DMRT1: variants seen among roughly 807,000 people sequenced by gnomAD.
The protein encoded by DMRT1 is doublesex and mab-3 related transcription factor 1, also known as doublesex- and mab-3-related transcription factor 1.
Under a neutral mutation model 32.3 loss-of-function variants are expected in DMRT1, and 7 were observed. The observed-to-expected ratio is 0.22, with a 90% CI of 0.12 to 0.41. The LOEUF (loss-of-function observed/expected upper bound fraction) is 0.41, where lower values mean the gene tolerates loss of function less well. Ranked by LOEUF, DMRT1 falls within the 10% of genes least tolerant of loss-of-function variation. The pLI is 1.00. For synonymous variants in DMRT1, 278 were observed against 206.1 expected (o/e 1.35, Z -2.99); for missense variants, 625 against 500.5 (o/e 1.25, Z -2.37).
intron 2 of DMRT1, among the ~76,000 whole-genome samples, chr9:863,123 T>C (rs1472913709): frequency 8.6e-6 from 1 of 116,572 alleles, no homozygotes; most frequent in African/African-American, 3.4e-5. Flanking sequence ...GGGACCAGCC[T>C]GGGCAACAGC....
intron 2 of DMRT1, among the ~76,000 whole-genome samples, chr9:862,420 A>C (rs1815756860): frequency 6.9e-6 from 1 of 144,996 alleles, no homozygotes; most frequent in African/African-American, 2.5e-5. Flanking sequence ...AGAATCAGGC[A>C]GGGAGGCTGC....
chr9:911,790 C>G (rs1817999990), intron 3 of DMRT1, among the ~76,000 whole-genome samples: 1 of 152,140 alleles, frequency 6.6e-6, no homozygotes, highest in Non-Finnish European at 1.5e-5. Context: ...CCGCGCCCAT[C>G]CATGAATTGC....
rs1470429647 is a variant in DMRT1, at chr9:847,016, C to A, written c.411C>A (p.Ile137=). ...QEEELGISHP[I]PLPSAAELLV... is the part of the protein sequence containing the mutation. ...AGGAATTGGGTATCAGCCACCCCAT[C>A]CCACTGCCCAGTGCGGCCGAGCTGC... The change falls in exon 2 of 5, where the codon ATC becomes ATA. Residue 137 remains isoleucine (I), a synonymous_variant. Transcript: ENST00000382276. 7 of 1,614,060 alleles carry A rather than the reference C, an allele frequency of 4.3e-6. No individual in the cohort carries two copies. The highest frequency in any genetic ancestry group is 1.3e-5 in the African/African-American group (1 of 74,930).
intron 3 of DMRT1, chr9:894,574 A>G: frequency 3.2e-6 from 1 of 311,376 alleles, no homozygotes; most frequent in South Asian, 3.2e-5. Context: ...CACCTCCTCC[A>G]GCTTTGTCCC....
intron 2 of DMRT1, among the ~76,000 whole-genome samples, chr9:880,632 A>G (rs1448736570): frequency 6.7e-6 from 1 of 150,370 alleles, no homozygotes; most frequent in African/African-American, 2.5e-5. Flanking sequence ...AGGCTGAGGC[A>G]GGAGAATTGC....
chr9:938,993 T>C (rs1056697765), intron 4 of DMRT1, among the ~76,000 whole-genome samples: 1 of 152,272 alleles, frequency 6.6e-6, no homozygotes, highest in Non-Finnish European at 1.5e-5. Context: ...TGTCAACTGC[T>C]CAGTGATCTT....
At chr9:862,533 G>A (rs2132583838) in intron 2 of DMRT1, among the ~76,000 whole-genome samples, 1 of 143,854 alleles carries the variant, frequency 7.0e-6, no homozygotes, top group African/African-American at 2.5e-5. Flanking sequence ...GGGGGAGGGG[G>A]AGGGAGATTG....
intron 4 of DMRT1, among the ~76,000 whole-genome samples, chr9:921,662 TA>T (rs928917032): frequency 1.3e-5 from 2 of 152,080 alleles, no homozygotes; most frequent in Admixed American, 6.6e-5. Context: ...GTTTTCCATT[TA>T]AAAAAACAGT....
chr9:877,722 T>A (rs181844108), intron 2 of DMRT1, among the ~76,000 whole-genome samples: 9 of 152,314 alleles, frequency 5.9e-5, no homozygotes, highest in African/African-American at 1.9e-4. Flanking sequence ...ACGATACAAT[T>A]AAACAGCAGA....
intron 4 of DMRT1, among the ~76,000 whole-genome samples, chr9:949,477 T>C (rs1819360243): frequency 1.3e-5 from 2 of 152,178 alleles, no homozygotes; most frequent in Admixed American, 1.3e-4. Flanking sequence ...GAGATAAGTA[T>C]ACACCCGTGA....
intron 2 of DMRT1, among the ~76,000 whole-genome samples, chr9:890,475 T>C (rs930549756): frequency 6.6e-6 from 1 of 152,192 alleles, no homozygotes; most frequent in Non-Finnish European, 1.5e-5. Flanking sequence ...CAGAGAAAAG[T>C]GACACCAATG....
At chr9:891,461 A>G in intron 2 of DMRT1, among the ~76,000 whole-genome samples, 1 of 147,140 alleles carries the variant, frequency 6.8e-6, no homozygotes, top group Admixed American at 7.2e-5. Flanking sequence ...AAATAAGTAA[A>G]TAAACAAAAT....
chr9:844,703 T>TTTTC (rs1363298802), intron 1 of DMRT1, among the ~76,000 whole-genome samples: 1 of 144,472 alleles, frequency 6.9e-6, no homozygotes, highest in Non-Finnish European at 1.5e-5. Context: ...TTGTAGTTGT[T>TTTTC]TTTCTTTCTT....
intron 2 of DMRT1, among the ~76,000 whole-genome samples, chr9:861,345 G>C (rs1165070203): frequency 2.6e-5 from 4 of 152,138 alleles, no homozygotes; most frequent in Non-Finnish European, 5.9e-5. Context: ...TTAACCCTTA[G>C]TGGACACAGC....
At chr9:929,439 A>ATC (rs1818635661) in intron 4 of DMRT1, among the ~76,000 whole-genome samples, 1 of 152,108 alleles carries the variant, frequency 6.6e-6, no homozygotes, top group Non-Finnish European at 1.5e-5. Context: ...GGCAATGCTA[A>ATC]TCATGCTTGG....
At chr9:915,624 G>C (rs911853203) in intron 3 of DMRT1, among the ~76,000 whole-genome samples, 1 of 152,106 alleles carries the variant, frequency 6.6e-6, no homozygotes, top group East Asian at 1.9e-4. Flanking sequence ...TTGCTGCAGG[G>C]AACAGACACC....
intron 2 of DMRT1, among the ~76,000 whole-genome samples, chr9:863,935 C>A (rs1263484284): frequency 6.6e-6 from 1 of 151,980 alleles, no homozygotes. Context: ...GGAGATTGGC[C>A]CTTTTTGATA....
At chr9:955,269 T>A (rs906002178) in intron 4 of DMRT1, among the ~76,000 whole-genome samples, 1 of 152,124 alleles carries the variant, frequency 6.6e-6, no homozygotes, top group Non-Finnish European at 1.5e-5. Context: ...GCAGGTTACA[T>A]GTGAGCATGA....
intron 2 of DMRT1, 79 bp downstream of exon 2, chr9:847,222 C>A: frequency 6.9e-7 from 1 of 1,442,468 alleles, no homozygotes; most frequent in South Asian, 1.2e-5. Flanking sequence ...AAGCAGGGCT[C>A]CCCTGAGCTA....
Sources: allele counts gnomAD v4.1 joint callset (sites outside exome capture counted in the v4.1 genomes callset), GRCh38; gene constraint gnomAD v4.1.1; transcripts MANE v1.5; gene names NCBI Gene and HGNC (gene_info 2026-07-23, HGNC 2026-07-21).